Variants in AADAC observed in about 807,000 individuals in gnomAD.
The protein encoded by AADAC is arylacetamide deacetylase.
A neutral mutation model predicts 22.7 loss-of-function variants in AADAC; 17 were observed. The ratio of observed to expected loss-of-function variants is 0.75; its 90% CI spans 0.51 to 1.12. The LOEUF is 1.12. AADAC is among the 50% of genes most tolerant of loss of function. The pLI is 0.00. For synonymous variants in AADAC, 167 were observed against 176.3 expected (o/e 0.95, Z 0.42); for missense variants, 465 against 473.9 (o/e 0.98, Z 0.17).
rs61733692 is a variant in AADAC, at chr3:151,828,170, T to C, written c.1198T>C (p.Ter400GlnextTer1). The change falls in exon 5 of 5, where the codon TAG becomes CAG. Residue 400 changes from the stop codon to glutamine (Q), a stop_lost. Coordinates refer to ENST00000232892, the MANE Select transcript of AADAC (RefSeq NM_001086.3). ...QYIEWLKENL[*>Q] ...TATTGAGTGGCTAAAGGAAAATCTA[T>C]AGTAAAACATGTAGCTATAACATAT... 5.4e-3 allele frequency: 8,031 copies of C among 1,496,354 alleles called. 89 individuals are homozygous for C. Among genetic ancestry groups the C allele is most frequent in the Non-Finnish European group, 6.8e-3 (7,493 of 1,107,126 alleles). 92.7% of individuals were successfully genotyped at this position (1,496,354 alleles called of 1,614,324 possible).
chr3:151,827,687 CTA>C lies in AADAC; in HGVS notation c.717_718del (p.Phe240SerfsTer12), dbSNP rs1385833674. The C allele has an allele frequency of 6.2e-7, 1 of 1,612,596 alleles. No homozygotes were observed. Among genetic ancestry groups the C allele is most frequent in the Non-Finnish European group, 8.5e-7 (1 of 1,179,070 alleles). ...LPSYQENSNF[L>X]FLSKSLMVRF... is the part of the protein sequence containing the mutation. ...GTCATATCAAGAAAATTCAAATTTT[CTA>C]TTTCTATCCAAATCACTCATGGTCA... On this transcript the variant is annotated frameshift_variant, in exon 5 of 5. Coordinates refer to ENST00000232892, the MANE Select transcript of AADAC (RefSeq NM_001086.3). LOFTEE classifies it low-confidence loss of function (END_TRUNC).
At chr3:151,824,547 T>C (rs911687281) in intron 3 of AADAC, 116 bp from the exon 4 acceptor site, 20 of 673,462 alleles carry the variant, frequency 3.0e-5, no homozygotes, top group African/African-American at 2.6e-4. Flanking sequence ...ACCTCCAGCA[T>C]GTATTAGGTT....
chr3:151,816,728 T>G (rs1716002724), intron 1 of AADAC, among the ~76,000 whole-genome samples: 1 of 151,982 alleles, frequency 6.6e-6, no homozygotes, highest in Admixed American at 6.6e-5. Context: ...TTACAAAATA[T>G]AAAATCTCAA....
Position 151,827,994 on chromosome 3 carries a change from A to C in AADAC, c.1022A>C (p.Gln341Pro), listed in dbSNP as rs1311311323. 1 of 1,613,096 alleles carries C rather than the reference A, an allele frequency of 6.2e-7. No homozygotes were observed. Among genetic ancestry groups the C allele is most frequent in the South Asian group, 1.1e-5 (1 of 91,006 alleles). ...CCCCTGACCTATGTCATCACCTGTCAATATGATCTCTTAAGAGATGATGGA... is the reference window on the plus strand; with the variant it reads ...CCCCTGACCTATGTCATCACCTGTCCATATGATCTCTTAAGAGATGATGGA... ...GLPLTYVITC[Q>P]YDLLRDDGLM... is the part of the protein sequence containing the mutation. Residue 341 changes from glutamine (Q) to proline (P), a missense_variant, in exon 5 of 5, where the codon CAA becomes CCA. Transcript: ENST00000232892.
Position 151,814,258 on chromosome 3 carries a change from A to G in AADAC, c.96A>G (p.Arg32=), listed in dbSNP as rs781460950. 1 of 1,613,352 alleles carries G rather than the reference A, an allele frequency of 6.2e-7. No individual in the cohort carries two copies. The highest frequency in any genetic ancestry group is 1.1e-5 in the South Asian group (1 of 91,042). ...PLPDNVEEPW[R]MMWINAHLKT... is the part of the protein sequence containing the mutation. Reference sequence around the variant, plus strand: ...CAGATAACGTTGAGGAGCCATGGAGAATGATGTGGATAAACGCACATCTGA... The same window carrying G: ...CAGATAACGTTGAGGAGCCATGGAGGATGATGTGGATAAACGCACATCTGA... Residue 32 remains arginine (R), a synonymous_variant, in exon 1 of 5, where the codon AGA becomes AGG. Transcript: ENST00000232892.
intron 4 of AADAC, among the ~76,000 whole-genome samples, chr3:151,825,413 A>T (rs1716446976): frequency 6.6e-6 from 1 of 151,814 alleles, no homozygotes; most frequent in Admixed American, 6.6e-5. Context: ...AAAAAATAAA[A>T]TAATATGTGT....
chr3:151,825,707 TAAC>T (rs1026159290), intron 4 of AADAC, among the ~76,000 whole-genome samples: 3 of 151,998 alleles, frequency 2.0e-5, no homozygotes, highest in Admixed American at 6.6e-5. Context: ...ATAATAATAA[TAAC>T]AAATGGCATT....
intron 3 of AADAC, among the ~76,000 whole-genome samples, chr3:151,821,295 G>A (rs768225134): frequency 5.3e-5 from 8 of 151,960 alleles, no homozygotes; most frequent in Non-Finnish European, 7.4e-5. Flanking sequence ...TATACACTGC[G>A]CTAAGTATAT....
At position 151,827,877 on chromosome 3, in the gene AADAC, A is replaced by G; in HGVS notation, c.905A>G (p.Tyr302Cys). ...GGACATGTTTATAACAATCCAAATT[A>G]TGGCAGTTCTGAGCTGGCTAAAAAA... ...IKGHVYNNPN[Y>C]GSSELAKKYP... is the part of the protein sequence containing the mutation. The change falls in exon 5 of 5, where the codon TAT becomes TGT. Residue 302 changes from tyrosine (Y) to cysteine (C), a missense_variant. Tyr to Cys is a radical substitution (Grantham distance 194, BLOSUM62 -2). Transcript: ENST00000232892. The G allele has an allele frequency of 6.2e-7, 1 of 1,612,738 alleles. No individual in the cohort carries two copies. The highest frequency in any genetic ancestry group is 8.5e-7 in the Non-Finnish European group (1 of 1,179,402).
Position 151,817,543 on chromosome 3 carries a change from G to C in AADAC, c.316G>C (p.Gly106Arg). The C allele has an allele frequency of 1.9e-6, 3 of 1,613,764 alleles. No individual in the cohort carries two copies. Among genetic ancestry groups the C allele is most frequent in the Non-Finnish European group, 2.5e-6 (3 of 1,179,742 alleles). Residue 106 changes from glycine to arginine, a missense_variant, in exon 2 of 5, where the codon GGG (glycine) becomes CGG (arginine). Transcript: ENST00000232892. ...GAGAAAGTCTGAAGCACTAAGAAGG[G>C]GGTTGTTTTACATCCATGGTGGAGG... ...PKRKSEALRR[G>R]LFYIHGGGWC...
chr3:151,823,323 T>A (rs1259164045), intron 3 of AADAC, among the ~76,000 whole-genome samples: 1 of 151,872 alleles, frequency 6.6e-6, no homozygotes, highest in Non-Finnish European at 1.5e-5. Flanking sequence ...CAAAAGACAT[T>A]AATAGAAGTC....
chr3:151,814,144 A>G lies in AADAC; in HGVS notation c.-19A>G, dbSNP rs1414354511. 1.2e-6 allele frequency: 2 copies of G among 1,613,092 alleles called. No homozygotes were observed. Among genetic ancestry groups the G allele is most frequent in the Non-Finnish European group, 1.7e-6 (2 of 1,179,222 alleles). Reference sequence around the variant, plus strand: ...TTTACTTTCTGTGTTTCTAGAGACCAAGAAGCGGGACGTTCACCATGGGAA... The same window carrying G: ...TTTACTTTCTGTGTTTCTAGAGACCGAGAAGCGGGACGTTCACCATGGGAA... On this transcript the variant is annotated 5_prime_UTR_variant, in exon 1 of 5. Transcript: ENST00000232892.
At chr3:151,819,326 T>C (rs1481262110) in intron 2 of AADAC, among the ~76,000 whole-genome samples, 1 of 151,972 alleles carries the variant, frequency 6.6e-6, no homozygotes, top group African/African-American at 2.4e-5. Context: ...CGTGTAGAGA[T>C]GTCAAGTAAG....
At chr3:151,817,654 G>T (rs1333365185) in intron 2 of AADAC, 66 bp downstream of exon 2, 1 of 1,411,996 alleles carries the variant, frequency 7.1e-7, no homozygotes, top group African/African-American at 1.4e-5. Context: ...TAAGTCTTCA[G>T]TAGGTACACA....
intron 2 of AADAC, among the ~76,000 whole-genome samples, chr3:151,819,419 C>T (rs1356938482): frequency 1.3e-5 from 2 of 151,708 alleles, no homozygotes; most frequent in Admixed American, 1.3e-4. Flanking sequence ...ATGGGATATT[C>T]ACAGAGAAAC....
In AADAC at chr3:151,827,983, C is replaced by T; in HGVS notation, c.1011C>T (p.Val337=). ...NKLRGLPLTY[V]ITCQYDLLRD... ...TACGTGGCTTACCCCTGACCTATGT[C>T]ATCACCTGTCAATATGATCTCTTAA... The change falls in exon 5 of 5, where the codon GTC becomes GTT. Residue 337 remains valine, a synonymous_variant. Transcript: ENST00000232892. 1 of 1,612,954 alleles carries T rather than the reference C, an allele frequency of 6.2e-7. No individual in the cohort carries two copies.
At chr3:151,820,332 G>A (rs1164561776) in intron 2 of AADAC, 51 bp from the exon 3 acceptor site, 1 of 1,336,812 alleles carries the variant, frequency 7.5e-7, no homozygotes, top group South Asian at 1.4e-5. Flanking sequence ...AAACAGCCTT[G>A]TCTTCATTTG....
rs749518321 is a variant in AADAC at position 151,817,682 on chromosome 3, A to G, written c.361+94A>G. 6.2e-5 allele frequency: 66 copies of G among 1,061,062 alleles called. 1 individual carries two copies. The African/African-American group carries it at 6.8e-4, about 11-fold the overall frequency. The allele number at this position is 1,061,062 out of a possible 1,614,324, so 65.7% of individuals were successfully genotyped here. A position where few individuals can be genotyped will look rare whatever the true frequency, so the allele number is the denominator to read the frequency against. ...GGTACACATGCCCTTCGGCATGGAC[A>G]TTACTGCCTCTTTTATCTTCTCGTG... is the stretch of plus-strand genomic sequence containing the variant. On this transcript the variant is annotated intron_variant, in intron 2 of 4. Transcript: ENST00000232892.
chr3:151,815,625 A>T (rs1274507425), intron 1 of AADAC, among the ~76,000 whole-genome samples: 1 of 151,772 alleles, frequency 6.6e-6, no homozygotes, highest in Non-Finnish European at 1.5e-5. Flanking sequence ...TATTTATTTA[A>T]GCAATTATAT....
Sources: gnomAD v4.1 joint callset for allele counts (sites outside exome capture counted in the v4.1 genomes callset) on GRCh38, gnomAD v4.1.1 for gene constraint, MANE v1.5 for transcripts, NCBI Gene and HGNC (gene_info 2026-07-23, HGNC 2026-07-21) for gene names.